Variants in DPP10 observed in about 807,000 individuals in gnomAD.
The protein encoded by DPP10 is dipeptidyl peptidase like 10.
Under a neutral mutation model 120.9 loss-of-function variants are expected in DPP10, and 33 were observed. The observed-to-expected ratio is 0.27, with a 90% confidence interval of 0.21 to 0.37. DPP10 has a LOEUF of 0.37. Among genes scored for constraint, DPP10 ranks in the 10% least tolerant of loss-of-function variants. The pLI is 1.00. For synonymous variants in DPP10, 337 were observed against 326.1 expected (o/e 1.03, Z -0.36); for missense variants, 816 against 942.8 (o/e 0.87, Z 1.76).
chr2:115,824,673 C>A (rs115659060), intron 21 of DPP10, among the ~76,000 whole-genome samples: 1 of 152,128 alleles, frequency 6.6e-6, no homozygotes, highest in African/African-American at 2.4e-5. Flanking sequence ...ATGGCCACTT[C>A]GTATTCCATG....
At chr2:114,834,615 A>ACGC (rs1168031483) in intron 1 of DPP10, among the ~76,000 whole-genome samples, 2 of 132,860 alleles carry the variant, frequency 1.5e-5, no homozygotes, top group South Asian at 2.4e-4. Context: ...AGCCATATCT[A>ACGC]AGCACCTATG....
chr2:115,704,014 T>C (rs1271992385), intron 7 of DPP10, among the ~76,000 whole-genome samples: 1 of 151,970 alleles, frequency 6.6e-6, no homozygotes, highest in African/African-American at 2.4e-5. Flanking sequence ...TATGTTAAAA[T>C]TGAATGTACT....
At chr2:114,715,697 T>C (rs1268035492) in intron 1 of DPP10, among the ~76,000 whole-genome samples, 1 of 152,028 alleles carries the variant, frequency 6.6e-6, no homozygotes, top group Non-Finnish European at 1.5e-5. Flanking sequence ...GAAATTAGTT[T>C]GTTCCAGTAC....
chr2:115,809,902 G>A (rs571786632), intron 19 of DPP10, among the ~76,000 whole-genome samples: 15 of 152,272 alleles, frequency 9.9e-5, no homozygotes, highest in Non-Finnish European at 1.6e-4. Context: ...GGTGGCTCAC[G>A]CCTGTAATCC....
chr2:115,201,886 CA>C (rs1372382894), intron 1 of DPP10, among the ~76,000 whole-genome samples: 1 of 152,032 alleles, frequency 6.6e-6, no homozygotes, highest in Non-Finnish European at 1.5e-5. Context: ...AGAAGGAAAA[CA>C]TTAGGGCATT....
chr2:115,073,352 A>C (rs956289335), intron 1 of DPP10, among the ~76,000 whole-genome samples: 4 of 152,216 alleles, frequency 2.6e-5, no homozygotes, highest in Admixed American at 2.6e-4. Flanking sequence ...CCCACTGGTC[A>C]ATTGCATGCA....
chr2:115,122,157 C>A (rs1175382830), intron 1 of DPP10, among the ~76,000 whole-genome samples: 1 of 152,158 alleles, frequency 6.6e-6, no homozygotes, highest in Admixed American at 6.5e-5. Context: ...CCAGAATGAA[C>A]CAGTGCTTAC....
intron 3 of DPP10, among the ~76,000 whole-genome samples, chr2:115,417,826 G>A (rs1363126754): frequency 3.3e-5 from 5 of 152,104 alleles, no homozygotes; most frequent in Non-Finnish European, 5.9e-5. Context: ...CCAAGTGTGC[G>A]GTCATGCCAT....
intron 3 of DPP10, among the ~76,000 whole-genome samples, chr2:115,422,229 T>A (rs1403964999): frequency 6.6e-6 from 1 of 152,216 alleles, no homozygotes; most frequent in Non-Finnish European, 1.5e-5. Flanking sequence ...CTTCCTAATG[T>A]CATAAATTGT....
chr2:114,812,324 G>T (rs572681911), intron 1 of DPP10, among the ~76,000 whole-genome samples: 1 of 152,180 alleles, frequency 6.6e-6, no homozygotes, highest in African/African-American at 2.4e-5. Context: ...TAACTAGGCT[G>T]GTCACGGTGA....
Position 115,381,347 on chromosome 2 carries a change from G to T in DPP10, c.271+37435G>T, listed in dbSNP as rs142446009. On this transcript the variant is annotated intron_variant, in intron 3 of 25. Transcript: ENST00000410059. Reference sequence around the variant, plus strand: ...CCCTTTCTTCCAGTTGATCGCGTCGGCTCCTGAGGCTTCTGCACTCTTCAC... The same window carrying T: ...CCCTTTCTTCCAGTTGATCGCGTCGTCTCCTGAGGCTTCTGCACTCTTCAC... Among the ~76,000 whole-genome samples, 107 of 152,120 alleles carry T rather than the reference G, an allele frequency of 7.0e-4. 1 individual carries two copies. In the East Asian group the frequency reaches 0.02, roughly 29 times the overall value.
intron 2 of DPP10, among the ~76,000 whole-genome samples, chr2:115,341,601 C>T (rs747675171): frequency 6.6e-6 from 1 of 152,158 alleles, no homozygotes; most frequent in Non-Finnish European, 1.5e-5. Flanking sequence ...CTATGTTCAC[C>T]TGCTCATTCC....
At chr2:115,029,470 T>C (rs555398012) in intron 1 of DPP10, among the ~76,000 whole-genome samples, 1 of 151,908 alleles carries the variant, frequency 6.6e-6, no homozygotes, top group South Asian at 2.1e-4. Context: ...TTTTTTTTCT[T>C]TCAGTCTGAA....
At chr2:115,117,563 G>C (rs766602399) in intron 1 of DPP10, among the ~76,000 whole-genome samples, 19 of 152,196 alleles carry the variant, frequency 1.2e-4, no homozygotes, top group Non-Finnish European at 2.4e-4. Flanking sequence ...AGCTCAGACA[G>C]CACCACTGCA....
intron 1 of DPP10, among the ~76,000 whole-genome samples, chr2:114,948,514 G>A (rs1224048675): frequency 6.6e-6 from 1 of 152,138 alleles, no homozygotes; most frequent in African/African-American, 2.4e-5. Context: ...CTGGGAAAAT[G>A]TGAAAAATTC....
intron 3 of DPP10, among the ~76,000 whole-genome samples, chr2:115,350,587 G>T (rs953571887): frequency 1.3e-5 from 2 of 152,024 alleles, no homozygotes; most frequent in African/African-American, 2.4e-5. Flanking sequence ...TTTTCTCAGA[G>T]ATCTGTATGA....
At chr2:114,616,443 C>G (rs962350297) in intron 1 of DPP10, among the ~76,000 whole-genome samples, 1 of 152,024 alleles carries the variant, frequency 6.6e-6, no homozygotes, top group African/African-American at 2.4e-5. Context: ...AGCTTTGCTC[C>G]TTGGCTTATG....
intron 5 of DPP10, among the ~76,000 whole-genome samples, chr2:115,635,498 T>G (rs75306649): frequency 0.11 from 16,933 of 152,166 alleles, 1,217 homozygotes; most frequent in African/African-American, 0.19. Flanking sequence ...TGCTTTTCCT[T>G]ACTCTCCGTA....
intron 19 of DPP10, among the ~76,000 whole-genome samples, chr2:115,796,924 C>A (rs906908746): frequency 1.3e-5 from 2 of 151,990 alleles, no homozygotes; most frequent in Non-Finnish European, 2.9e-5. Context: ...TTTTATATAT[C>A]TATTTTCTGT....
Sources: gnomAD v4.1 joint callset for allele counts (sites outside exome capture counted in the v4.1 genomes callset) on GRCh38, gnomAD v4.1.1 for gene constraint, MANE v1.5 for transcripts, NCBI Gene and HGNC (gene_info 2026-07-23, HGNC 2026-07-21) for gene names.